PCDHGA3: variants seen among roughly 807,000 people sequenced by gnomAD.
PCDHGA3 encodes the protein protocadherin gamma subfamily A, 3.
Under a neutral mutation model 58.5 loss-of-function variants are expected in PCDHGA3, and 40 were observed. That is an observed-to-expected ratio of 0.68 (90% CI 0.53 to 0.89). The LOEUF (loss-of-function observed/expected upper bound fraction) is 0.89. PCDHGA3 is among the 40% of genes least tolerant of loss of function. The pLI is 0.00. For missense variants in PCDHGA3, 1,223 were observed against 1,195.9 expected (o/e 1.02, Z -0.33); for synonymous variants, 530 against 525.7 (o/e 1.01, Z -0.11).
At chr5:141,417,538 A>G (rs2154547037) in intron 1 of PCDHGA3, 2 of 297,748 alleles carry the variant, frequency 6.7e-6, no homozygotes, top group East Asian at 6.0e-5. Flanking sequence ...AGTTTAAAAA[A>G]AATTCCTTGA....
In PCDHGA3 at chr5:141,344,423, T is replaced by G; in HGVS notation, c.390T>G (p.Ala130=). 1 of 1,612,772 alleles carries G rather than the reference T, an allele frequency of 6.2e-7. No homozygotes were observed. The highest frequency in any genetic ancestry group is 8.5e-7 in the Non-Finnish European group (1 of 1,179,252). The change falls in exon 1 of 4, where the codon GCT becomes GCG. Residue 130 remains alanine (A), a synonymous_variant. Transcript: ENST00000253812. ...EIEIKDINDN[A]PNFPTEELEI... ...AAATTAAAGATATTAATGATAATGC[T>G]CCTAATTTCCCAACAGAGGAATTGG...
chr5:141,421,750 C>A lies in PCDHGA3; in HGVS notation c.2425-73057C>A, dbSNP rs766529731. On this transcript the variant is annotated intron_variant, in intron 1 of 3. Coordinates refer to ENST00000253812, the MANE Select transcript of PCDHGA3 (RefSeq NM_018916.4). ...CTCCCTCCAGAGCTACCAGCTCAGC[C>A]CTAATAATTACTTTTCCTTGCAACT... 4.3e-6 allele frequency: 7 copies of A among 1,613,788 alleles called. No individual in the cohort carries two copies. Among genetic ancestry groups the A allele is most frequent in the Non-Finnish European group, 5.9e-6 (7 of 1,179,864 alleles).
intron 1 of PCDHGA3, chr5:141,427,415 T>G: frequency 2.1e-6 from 1 of 465,414 alleles, no homozygotes; most frequent in Non-Finnish European, 4.3e-6. Context: ...CGAGAGAAAA[T>G]GGGGAGGTTA....
At chr5:141,372,937 GGGTGTCTAGGA>G (rs538849819) in intron 1 of PCDHGA3, 1 of 831,292 alleles carries the variant, frequency 1.2e-6, no homozygotes, top group East Asian at 2.7e-5. Flanking sequence ...GTGTAGAGTA[GGGTGTCTAGGA>G]AATTCTTTGT....
intron 1 of PCDHGA3, among the ~76,000 whole-genome samples, chr5:141,450,315 G>A (rs1319432573): frequency 1.3e-5 from 2 of 151,918 alleles, no homozygotes; most frequent in African/African-American, 4.8e-5. Context: ...GTGTGGCCTA[G>A]TTGCCATGTC....
At position 141,489,384 on chromosome 5, in the gene PCDHGA3, T is replaced by G; in HGVS notation, c.2425-5423T>G. The G allele has an allele frequency of 6.2e-7, 1 of 1,613,986 alleles. No individual in the cohort carries two copies. The highest frequency in any genetic ancestry group is 1.3e-5 in the African/African-American group (1 of 75,042). On this transcript the variant is annotated intron_variant, in intron 1 of 3. Transcript: ENST00000253812. This position sits in a 1 kb window ranked among gnomAD's most constrained non-coding sequence, Gnocchi z 4.5. ...AGCCGGGGACGCTGGTGGGGAATGT[T>G]GCTCAGGATCTGGGCTTAAAGATGA...
At chr5:141,418,287 G>C in intron 1 of PCDHGA3, 1 of 1,614,020 alleles carries the variant, frequency 6.2e-7, no homozygotes, top group South Asian at 1.1e-5. Context: ...TTAGAAATCA[G>C]TGAATCCGTC....
At position 141,389,005 on chromosome 5, in the gene PCDHGA3, C is replaced by T. The variant is rs757594459; in HGVS notation, c.2424+42548C>T. 81 of 1,613,780 alleles carry T rather than the reference C, an allele frequency of 5.0e-5. No individual in the cohort carries two copies. Among genetic ancestry groups the T allele is most frequent in the Non-Finnish European group, 6.7e-5 (79 of 1,179,858 alleles). On this transcript the variant is annotated intron_variant, in intron 1 of 3. Transcript: ENST00000253812. The stretch of plus-strand genomic sequence containing the variant: ...TTGCTCAAAGTCCGTGACAAGGATT[C>T]CAGACACAATGGAGAAGTGACTTGT...
At chr5:141,352,474 C>T (rs780587821) in intron 1 of PCDHGA3, 1 of 1,614,008 alleles carries the variant, frequency 6.2e-7, no homozygotes, top group Non-Finnish European at 8.5e-7. Flanking sequence ...TTCCTCCCAA[C>T]CACAGCGAGG....
At chr5:141,429,387 T>A (rs372199649) in intron 1 of PCDHGA3, among the ~76,000 whole-genome samples, 4,783 of 151,430 alleles carry the variant, frequency 0.032, 106 homozygotes, top group African/African-American at 0.043. Context: ...GTTTTTTTTT[T>A]AAAAAAAATT....
rs544565104 is a variant in PCDHGA3, at chr5:141,489,014, G to A, written c.2425-5793G>A. 2.5e-5 allele frequency: 11 copies of A among 433,976 alleles called. No individual in the cohort carries two copies. The highest frequency in any genetic ancestry group is 1.6e-4 in the Admixed American group (4 of 25,754). The allele number at this position is 433,976 out of a possible 1,614,324, so 26.9% of individuals were successfully genotyped here. On this transcript the variant is annotated intron_variant, in intron 1 of 3. Coordinates refer to ENST00000253812, the MANE Select transcript of PCDHGA3 (RefSeq NM_018916.4). This position sits in a 1 kb window ranked among gnomAD's most constrained non-coding sequence, Gnocchi z 4.5. ...GGTGGGAGATCTGCTCTTCCAGCCC[G>A]CCTCTCCTCCTCCAGCTCCCCAGCT... is the stretch of plus-strand genomic sequence containing the variant.
intron 1 of PCDHGA3, chr5:141,351,832 C>A: frequency 1.2e-6 from 2 of 1,613,246 alleles, no homozygotes; most frequent in Non-Finnish European, 1.7e-6. Context: ...TGCGCGCCTT[C>A]GAGCTCACAC....
At chr5:141,472,040 G>T (rs1431219928) in intron 1 of PCDHGA3, among the ~76,000 whole-genome samples, 4 of 152,018 alleles carry the variant, frequency 2.6e-5, no homozygotes, top group Non-Finnish European at 5.9e-5. Flanking sequence ...GCTGTGAAAA[G>T]ATTTTAAAAA....
chr5:141,402,829 T>G (rs921784924), intron 1 of PCDHGA3: 4 of 1,341,920 alleles, frequency 3.0e-6, no homozygotes, highest in Admixed American at 5.9e-5. Context: ...GCTCCCAGGC[T>G]GCAGCAAAAC....
chr5:141,374,484 T>C, intron 1 of PCDHGA3: 1 of 1,611,588 alleles, frequency 6.2e-7, no homozygotes. Flanking sequence ...CCCCGATTCT[T>C]AAAGGAAGAA....
intron 1 of PCDHGA3, chr5:141,427,980 G>A (rs1398178738): frequency 6.3e-7 from 1 of 1,596,206 alleles, no homozygotes. Context: ...CCCCGCGCTG[G>A]GGCCCGATGG....
intron 1 of PCDHGA3, chr5:141,414,139 G>T: frequency 6.3e-7 from 1 of 1,596,506 alleles, no homozygotes; most frequent in Non-Finnish European, 8.5e-7. Flanking sequence ...CTATGAAATA[G>T]AAATACAAGC....
In PCDHGA3 at chr5:141,382,679, C is replaced by T. The variant is rs184405216; in HGVS notation, c.2424+36222C>T. On this transcript the variant is annotated intron_variant, in intron 1 of 3. Transcript: ENST00000253812. ...ACTCACAGCGCCGCTGTTCACCAAC[C>T]AGGGAAAAATGGTGCGAGAGATCCC... 912 of 439,966 alleles carry T rather than the reference C, an allele frequency of 2.1e-3. 11 individuals carry two copies. Among genetic ancestry groups the T allele is most frequent in the Non-Finnish European group, 1.1e-3 (277 of 250,538 alleles). 27.3% of individuals were successfully genotyped at this position (439,966 alleles called of 1,614,324 possible). A position where few individuals can be genotyped will look rare whatever the true frequency, so the allele number is the denominator to read the frequency against.
chr5:141,395,422 G>T, intron 1 of PCDHGA3: 1 of 728,826 alleles, frequency 1.4e-6, no homozygotes, highest in Non-Finnish European at 2.1e-6. Flanking sequence ...TGTTTCATTT[G>T]CTTTTAAACG....
Sources: allele counts gnomAD v4.1 joint callset (sites outside exome capture counted in the v4.1 genomes callset), GRCh38; gene constraint gnomAD v4.1.1; non-coding constraint Gnocchi (gnomAD v3.1); transcripts MANE v1.5; gene names NCBI Gene and HGNC (gene_info 2026-07-23, HGNC 2026-07-21).